Variants in HK2 observed in about 807,000 individuals in gnomAD.
HK2 encodes hexokinase 2.
HK2 carries 42 observed loss-of-function variants against 92.9 expected under a neutral mutation model. The observed-to-expected ratio is 0.45, with a 90% CI of 0.35 to 0.58. The LOEUF is 0.58. Ranked by LOEUF, HK2 falls within the 20% of genes least tolerant of loss-of-function variation. The probability of loss-of-function intolerance (pLI) is 0.00; values close to 1 mark genes in which losing one functional copy is unlikely to be tolerated. For synonymous variants in HK2, 422 were observed against 468.0 expected, an observed-to-expected ratio of 0.90 and a Z score of 1.27; for missense variants, 978 against 1,245.1, an observed-to-expected ratio of 0.79 and a Z score of 3.23.
intron 4 of HK2, 30 bp downstream of exon 4, chr2:74,872,449 T>C (rs1384620292): frequency 6.2e-7 from 1 of 1,613,390 alleles, no homozygotes; most frequent in Admixed American, 1.7e-5. Flanking sequence ...CACTTGTTGC[T>C]TCACTCTTGG....
At position 74,885,885 on chromosome 2, in the gene HK2, C is replaced by CACACACACACACACACACAA. The variant is rs58908262; in HGVS notation, c.1935+297_1935+298insCACACACACACACACACAAA. ...ACACACACACACACACACACACACA[C>CACACACACACACACACACAA]AGTAAAGGAATAAAAGAATGGCCAC... On this transcript the variant is annotated intron_variant, in intron 13 of 17. Coordinates refer to ENST00000290573, the MANE Select transcript of HK2 (RefSeq NM_000189.5). Among the ~76,000 whole-genome samples, 13 of 148,540 alleles carry CACACACACACACACACACAA rather than the reference C, an allele frequency of 8.8e-5. 1 individual carries two copies. The highest frequency in any genetic ancestry group is 3.0e-4 in the African/African-American group (12 of 39,420).
At chr2:74,873,203 G>A (rs1469636259) in intron 4 of HK2, 73 bp from the exon 5 acceptor site, 15 of 1,069,404 alleles carry the variant, frequency 1.4e-5, no homozygotes, top group African/African-American at 9.3e-5. Context: ...TGCTAATGAC[G>A]GAGGTTTGAG....
At chr2:74,867,443 T>G (rs1688980926) in intron 2 of HK2, among the ~76,000 whole-genome samples, 193 bp from the exon 3 acceptor site, 1 of 151,962 alleles carries the variant, frequency 6.6e-6, no homozygotes, top group African/African-American at 2.4e-5. Context: ...AATAAAGCTC[T>G]GAGAATTAAA....
intron 1 of HK2, chr2:74,835,267 C>A (rs992416789): frequency 1.8e-5 from 3 of 163,144 alleles, no homozygotes; most frequent in Non-Finnish European, 4.0e-5. Flanking sequence ...GAGGGGCGTC[C>A]CCCATTAACC....
Position 74,878,853 on chromosome 2 carries a change from G to C in HK2, c.1197G>C (p.Glu399Asp). The C allele has an allele frequency of 2.6e-6, 4 of 1,553,638 alleles. No homozygotes were observed. In the South Asian group the frequency reaches 3.6e-5, roughly 14 times the overall value. The change falls in exon 9 of 18, where the codon GAG becomes GAC. Residue 399 changes from glutamate to aspartate, a missense_variant. Glu to Asp is a conservative substitution (Grantham distance 45, BLOSUM62 2). Transcript: ENST00000290573. ...TLAAVLQRIK[E>D]NKGEERLRST... ...CCGCCGTGCTGCAGCGCATCAAGGA[G>C]AACAAAGGCGAGGAGCGGCTGCGCT...
At chr2:74,865,068 C>A (rs370610571) in intron 2 of HK2, among the ~76,000 whole-genome samples, 22 of 151,650 alleles carry the variant, frequency 1.5e-4, no homozygotes, top group African/African-American at 5.4e-4. Flanking sequence ...CGAGAGGGCC[C>A]GTCTCAGGAT....
At chr2:74,844,593 C>A (rs923100223) in intron 1 of HK2, among the ~76,000 whole-genome samples, 4 of 152,210 alleles carry the variant, frequency 2.6e-5, no homozygotes, top group African/African-American at 9.7e-5. Flanking sequence ...TTTGATCCAG[C>A]AAGTGGACCG....
At chr2:74,835,043 C>T (rs1404086819) in intron 1 of HK2, 3 of 294,326 alleles carry the variant, frequency 1.0e-5, no homozygotes, top group Non-Finnish European at 2.0e-5. Flanking sequence ...ATCGTGGCTG[C>T]GGGAGGCTGC....
At chr2:74,844,018 C>T (rs1688377567) in intron 1 of HK2, among the ~76,000 whole-genome samples, 1 of 152,198 alleles carries the variant, frequency 6.6e-6, no homozygotes, top group Admixed American at 6.5e-5. Flanking sequence ...AGTACCTTGC[C>T]CCAGGGCAAG....
At chr2:74,867,935 C>A in intron 3 of HK2, 151 bp downstream of exon 3, 2 of 865,528 alleles carry the variant, frequency 2.3e-6, no homozygotes, top group South Asian at 1.3e-5. Context: ...TCCCTCTCAG[C>A]CGGAGCTCAG....
chr2:74,877,426 C>A, intron 8 of HK2, 105 bp downstream of exon 8: 1 of 1,297,564 alleles, frequency 7.7e-7, no homozygotes, highest in Non-Finnish European at 1.1e-6. Context: ...CAAGTATAGA[C>A]TGCAAGAGGG....
chr2:74,836,459 C>T (rs754268326), intron 1 of HK2, among the ~76,000 whole-genome samples: 2 of 152,164 alleles, frequency 1.3e-5, no homozygotes, highest in Non-Finnish European at 2.9e-5. Flanking sequence ...TTGGACAGCC[C>T]GTTTCTCTTT....
At chr2:74,871,584 C>T (rs1464285194) in intron 3 of HK2, among the ~76,000 whole-genome samples, 1 of 151,914 alleles carries the variant, frequency 6.6e-6, no homozygotes, top group Non-Finnish European at 1.5e-5. Context: ...GGGTCCTGCA[C>T]AGTGAGTGCG....
chr2:74,882,261 G>T (rs1441304313), intron 12 of HK2, 22 bp downstream of exon 12: 1 of 1,613,642 alleles, frequency 6.2e-7, no homozygotes, highest in East Asian at 2.2e-5. Flanking sequence ...TTCCTGGAGG[G>T]CTCTCCTGTG....
chr2:74,867,506 G>A (rs1688982616), intron 2 of HK2, 130 bp from the exon 3 acceptor site: 9 of 859,630 alleles, frequency 1.0e-5, no homozygotes, highest in Non-Finnish European at 1.8e-5. Context: ...TGTAATGTCT[G>A]TAGAGGAGTG....
chr2:74,845,779 G>C (rs1168174779), intron 1 of HK2, among the ~76,000 whole-genome samples: 4 of 152,244 alleles, frequency 2.6e-5, no homozygotes, highest in Admixed American at 2.6e-4. Context: ...CAGAGGACAG[G>C]AGACTTACAG....
chr2:74,873,344 G>A lies in HK2; in HGVS notation c.564G>A (p.Leu188=). Residue 188 remains leucine (L), a synonymous_variant, in exon 5 of 18, where the codon CTG becomes CTA. Transcript: ENST00000290573. ...TGGAAGGCAGAGACGTTGTGGCTCT[G>A]ATCCGGAAGGCCATCCAGAGGAGAG... ...SGVEGRDVVA[L]IRKAIQRRGD... 2 of 1,614,006 alleles carry A rather than the reference G, an allele frequency of 1.2e-6. No homozygotes were observed. The highest frequency in any genetic ancestry group is 1.7e-6 in the Non-Finnish European group (2 of 1,179,880).
Position 74,886,407 on chromosome 2 carries a change from C to T in HK2, c.2035+14C>T, listed in dbSNP as rs777336816. On this transcript the variant is annotated intron_variant, in intron 14 of 17. Coordinates refer to ENST00000290573, the MANE Select transcript of HK2 (RefSeq NM_000189.5). ...GCCTCATTGTTGGTAAGGACCCAGACTGTCCTTTCCACATGGGGATGCACA... is the reference window on the plus strand; with the variant it reads ...GCCTCATTGTTGGTAAGGACCCAGATTGTCCTTTCCACATGGGGATGCACA... 1.9e-6 allele frequency: 3 copies of T among 1,613,302 alleles called. No homozygotes were observed. Among genetic ancestry groups the T allele is most frequent in the Non-Finnish European group, 2.5e-6 (3 of 1,179,248 alleles).
chr2:74,883,318 G>A (rs1350742758), intron 12 of HK2, among the ~76,000 whole-genome samples: 1 of 152,196 alleles, frequency 6.6e-6, no homozygotes, highest in Non-Finnish European at 1.5e-5. Context: ...TCGTGGGATG[G>A]ATACTGAAGC....
Sources: gnomAD v4.1 joint callset for allele counts (sites outside exome capture counted in the v4.1 genomes callset) on GRCh38, gnomAD v4.1.1 for gene constraint, MANE v1.5 for transcripts, NCBI Gene and HGNC (gene_info 2026-07-23, HGNC 2026-07-21) for gene names.